The following TAC3 variants were observed in gnomAD, a reference collection of about 807,000 sequenced individuals.
TAC3 encodes tachykinin-3.
TAC3 carries 9 observed loss-of-function variants against 16.5 expected under a neutral mutation model. That is an observed-to-expected ratio of 0.55 (90% CI 0.33 to 0.95). The LOEUF (loss-of-function observed/expected upper bound fraction) is 0.95. Ranked by LOEUF, TAC3 falls within the 40% of genes least tolerant of loss-of-function variation. The probability of loss-of-function intolerance (pLI) is 0.03; values close to 1 mark genes in which losing one functional copy is unlikely to be tolerated. For missense variants in TAC3, 129 were observed against 149.1 expected, an observed-to-expected ratio of 0.87 and a Z score of 0.70; for synonymous variants, 52 against 56.7, an observed-to-expected ratio of 0.92 and a Z score of 0.37.
chr12:57,016,435 G>C lies in TAC3; in HGVS notation c.-54C>G, dbSNP rs1225138287. On this transcript the variant is annotated 5_prime_UTR_variant, in exon 1 of 7. Coordinates refer to ENST00000458521, the MANE Select transcript of TAC3 (RefSeq NM_013251.4). ...GGCTGGGTGGTCTGGCAGGATCAAG[G>C]AACTGGCTAGGACCGCTGCCTGCTC... 4.4e-6 allele frequency: 2 copies of C among 454,236 alleles called. No individual in the cohort carries two copies. The highest frequency in any genetic ancestry group is 8.8e-6 in the Non-Finnish European group (2 of 226,664). 28.1% of individuals were successfully genotyped at this position (454,236 alleles called of 1,614,324 possible). A position where few individuals can be genotyped will look rare whatever the true frequency, so the allele number is the denominator to read the frequency against.
At chr12:57,012,014 A>G (rs1956304539) in intron 6 of TAC3, 1 of 293,312 alleles carries the variant, frequency 3.4e-6, no homozygotes, top group Non-Finnish European at 6.6e-6. Flanking sequence ...TGGTTGTGGT[A>G]TTTGTAATTA....
chr12:57,015,590 A>G, intron 2 of TAC3, 94 bp downstream of exon 2: 1 of 1,097,126 alleles, frequency 9.1e-7, no homozygotes, highest in Non-Finnish European at 1.4e-6. Flanking sequence ...CTGACGGACA[A>G]CCCCCCCACC....
In TAC3 at chr12:57,013,652, TG is replaced by T. The variant is rs769516402; in HGVS notation, c.133del (p.Gln45SerfsTer20). The T allele has an allele frequency of 6.2e-7, 1 of 1,613,154 alleles. No homozygotes were observed. The highest frequency in any genetic ancestry group is 1.1e-5 in the South Asian group (1 of 90,646). On this transcript the variant is annotated frameshift_variant, in exon 3 of 7. Transcript: ENST00000458521. LOFTEE classifies it high-confidence loss of function. ...GRSKRDPDLY[Q>X]LLQRLFKSHS... ...GCTTTTGAAGAGTCTCTGGAGCAGCTGGTAGAGATCTGGATCCCTCTAGGGA... is the reference window on the plus strand; with the variant it reads ...GCTTTTGAAGAGTCTCTGGAGCAGCTGTAGAGATCTGGATCCCTCTAGGGA...
intron 1 of TAC3, 27 bp downstream of exon 1, chr12:57,016,360 C>G: frequency 2.3e-6 from 1 of 429,100 alleles, no homozygotes; most frequent in South Asian, 1.6e-5. Context: ...CAGCTCTGGT[C>G]CATCCAGCAT....
intron 6 of TAC3, chr12:57,010,834 C>T (rs1467642306): frequency 6.6e-6 from 1 of 152,186 alleles, no homozygotes; most frequent in Non-Finnish European, 1.5e-5. Flanking sequence ...TGCCTGACAC[C>T]TAACAGGTTG....
chr12:57,013,520 G>A (rs762039640), intron 3 of TAC3, 58 bp downstream of exon 3: 4 of 1,594,198 alleles, frequency 2.5e-6, no homozygotes, highest in African/African-American at 2.7e-5. Context: ...GATCTCCCAG[G>A]CCTCTTATCT....
chr12:57,014,543 C>A (rs1027753887), intron 2 of TAC3, among the ~76,000 whole-genome samples: 1 of 152,144 alleles, frequency 6.6e-6, no homozygotes, highest in African/African-American at 2.4e-5. Context: ...GGTAGGATGG[C>A]AATCCCTCTC....
At chr12:57,015,983 C>G (rs965587528) in intron 1 of TAC3, among the ~76,000 whole-genome samples, 181 bp from the exon 2 acceptor site, 13 of 152,184 alleles carry the variant, frequency 8.5e-5, no homozygotes, top group African/African-American at 2.9e-4. Flanking sequence ...GAAGGGGGTA[C>G]AGCCCTTGGG....
At chr12:57,015,541 C>A (rs759402142) in intron 2 of TAC3, 143 bp downstream of exon 2, 24 of 713,080 alleles carry the variant, frequency 3.4e-5, no homozygotes, top group Non-Finnish European at 5.5e-5. Flanking sequence ...ATGAAAGGAC[C>A]AGAGAAACAA....
intron 4 of TAC3, chr12:57,013,088 G>A: frequency 1.3e-6 from 1 of 764,280 alleles, no homozygotes; most frequent in Non-Finnish European, 2.2e-6. Flanking sequence ...TGCTCTAGCA[G>A]GTGCCTGATT....
At chr12:57,013,719 C>G in intron 2 of TAC3, 48 bp from the exon 3 acceptor site, 1 of 1,450,522 alleles carries the variant, frequency 6.9e-7, no homozygotes, top group South Asian at 1.2e-5. Flanking sequence ...CCACCCGGAT[C>G]CACTCATCCT....
chr12:57,012,486 T>A, intron 5 of TAC3, 34 bp from the exon 6 acceptor site: 1 of 1,612,684 alleles, frequency 6.2e-7, no homozygotes, highest in Non-Finnish European at 8.5e-7. Context: ...GTAAGAGGGA[T>A]CTTTCTGAAT....
At chr12:57,010,369 C>T (rs1268074826) in intron 6 of TAC3, 81 bp from the exon 7 acceptor site, 2 of 348,676 alleles carry the variant, frequency 5.7e-6, no homozygotes, top group African/African-American at 4.3e-5. Context: ...CACTGAAAAC[C>T]TGCTGTGGCA....
chr12:57,015,759 G>A lies in TAC3; in HGVS notation c.39C>T (p.Phe13=). ...IMLLFTAILA[F]SLAQSFGAVC... is the part of the protein sequence containing the mutation. Reference sequence around the variant, plus strand: ...CAGCCCCAAAGCTCTGAGCTAGGCTGAAGGCCAGGATGGCTGTGAATAGCA... The same window carrying A: ...CAGCCCCAAAGCTCTGAGCTAGGCTAAAGGCCAGGATGGCTGTGAATAGCA... The change falls in exon 2 of 7, where the codon TTC becomes TTT. Residue 13 remains phenylalanine, a synonymous_variant. Coordinates refer to ENST00000458521, the MANE Select transcript of TAC3 (RefSeq NM_013251.4). 6.2e-7 allele frequency: 1 copy of A among 1,614,208 alleles called. No homozygotes were observed. Among genetic ancestry groups the A allele is most frequent in the South Asian group, 1.1e-5 (1 of 91,080 alleles).
intron 2 of TAC3, among the ~76,000 whole-genome samples, chr12:57,013,987 C>T (rs573268315): frequency 1.3e-5 from 2 of 152,326 alleles, no homozygotes; most frequent in East Asian, 3.9e-4. Flanking sequence ...AGGCACACAT[C>T]TGCACCTGTG....
At chr12:57,012,487 C>T (rs751493248) in intron 5 of TAC3, 35 bp from the exon 6 acceptor site, 3 of 1,612,740 alleles carry the variant, frequency 1.9e-6, no homozygotes, top group South Asian at 1.1e-5. Flanking sequence ...TAAGAGGGAT[C>T]TTTCTGAATG....
intron 2 of TAC3, 59 bp downstream of exon 2, chr12:57,015,625 A>C: frequency 2.7e-6 from 4 of 1,480,930 alleles, no homozygotes; most frequent in Admixed American, 1.7e-5. Context: ...ACAGCTGTCC[A>C]GACAGGCAGA....
chr12:57,015,626 G>T, intron 2 of TAC3, 58 bp downstream of exon 2: 1 of 1,507,374 alleles, frequency 6.6e-7, no homozygotes. Context: ...CAGCTGTCCA[G>T]ACAGGCAGAG....
chr12:57,016,250 C>T (rs1956372838), intron 1 of TAC3, 137 bp downstream of exon 1: 4 of 351,740 alleles, frequency 1.1e-5, no homozygotes, highest in Non-Finnish European at 2.3e-5. Context: ...GCTCTCGGCC[C>T]TACAGGTGCT....
Sources: gnomAD v4.1 joint callset for allele counts (sites outside exome capture counted in the v4.1 genomes callset) on GRCh38, gnomAD v4.1.1 for gene constraint, MANE v1.5 for transcripts, NCBI Gene and HGNC (gene_info 2026-07-23, HGNC 2026-07-21) for gene names.